YIPF4: variants seen among roughly 807,000 people sequenced by gnomAD.
The protein encoded by YIPF4 is protein YIPF4.
YIPF4 carries 18 observed loss-of-function variants against 29.4 expected under a neutral mutation model. The observed-to-expected ratio is 0.61, with a 90% CI of 0.42 to 0.91. YIPF4 has a LOEUF of 0.91. YIPF4 is among the 40% of genes least tolerant of loss of function. The pLI is 0.00. For synonymous variants in YIPF4, 115 were observed against 104.7 expected, an observed-to-expected ratio of 1.10 and a Z score of -0.60; for missense variants, 279 against 282.7, an observed-to-expected ratio of 0.99 and a Z score of 0.09.
In YIPF4 at chr2:32,312,411, C is replaced by G. The variant is rs1004243466; in HGVS notation, c.*6785C>G. The G allele has an allele frequency of 7.4e-6, 1 of 134,658 alleles. No homozygotes were observed. The highest frequency in any genetic ancestry group is 2.2e-4 in the East Asian group (1 of 4,460). 8.3% of individuals were successfully genotyped at this position (134,658 alleles called of 1,614,324 possible). A position where few individuals can be genotyped will look rare whatever the true frequency, so the allele number is the denominator to read the frequency against. On this transcript the variant is annotated 3_prime_UTR_variant, in exon 6 of 6. Coordinates refer to ENST00000238831, the MANE Select transcript of YIPF4 (RefSeq NM_032312.4). Reference sequence around the variant, plus strand: ...GCTGAGGCAGGAGAATGGCGTGTACCCGGGAGGCGGAGGTTGCAGTGAGCC... The same window carrying G: ...GCTGAGGCAGGAGAATGGCGTGTACGCGGGAGGCGGAGGTTGCAGTGAGCC...
intron 1 of YIPF4, among the ~76,000 whole-genome samples, chr2:32,282,075 GAA>G (rs1232467542): frequency 1.3e-5 from 2 of 151,188 alleles, no homozygotes; most frequent in Non-Finnish European, 3.0e-5. Context: ...AAAAAAAAAG[GAA>G]AAAAAGAAAC....
chr2:32,283,153 A>G (rs993782181), intron 1 of YIPF4, among the ~76,000 whole-genome samples: 1 of 151,506 alleles, frequency 6.6e-6, no homozygotes, highest in Admixed American at 6.6e-5. Flanking sequence ...TATCTGGCAG[A>G]GTTAAGTGTT....
intron 1 of YIPF4, among the ~76,000 whole-genome samples, chr2:32,278,698 A>G (rs115589511): frequency 1.2e-3 from 190 of 152,154 alleles, no homozygotes; most frequent in African/African-American, 4.5e-3. Flanking sequence ...TGCAAATACA[A>G]ACTAAATGGT....
At chr2:32,304,782 A>G (rs2031520757) in intron 5 of YIPF4, among the ~76,000 whole-genome samples, 1 of 152,214 alleles carries the variant, frequency 6.6e-6, no homozygotes, top group African/African-American at 2.4e-5. Context: ...ATTTTATGCT[A>G]TAAAATGTGT....
chr2:32,294,935 C>T lies in YIPF4; in HGVS notation c.405+2587C>T, dbSNP rs139421630. Among the ~76,000 whole-genome samples, 1,254 of 152,190 alleles carry T rather than the reference C, an allele frequency of 8.2e-3. 6 individuals carry two copies. The highest frequency in any genetic ancestry group is 0.031 in the Middle Eastern group (9 of 294). ...TACAAAAACCAGTCAGGCGTGGCGG[C>T]GTGCGCCTGCAATGGCAGGCACTCG... is the stretch of plus-strand genomic sequence containing the variant. On this transcript the variant is annotated intron_variant, in intron 3 of 5. Coordinates refer to ENST00000238831, the MANE Select transcript of YIPF4 (RefSeq NM_032312.4).
intron 1 of YIPF4, among the ~76,000 whole-genome samples, chr2:32,289,438 G>A (rs2030820472): frequency 6.6e-6 from 1 of 152,134 alleles, no homozygotes; most frequent in Admixed American, 6.6e-5. Flanking sequence ...GCTAACTTTG[G>A]TATTGGTTGG....
At chr2:32,291,849 A>G (rs2030931985) in intron 2 of YIPF4, among the ~76,000 whole-genome samples, 1 of 152,232 alleles carries the variant, frequency 6.6e-6, no homozygotes, top group Non-Finnish European at 1.5e-5. Flanking sequence ...AAAAGTCACA[A>G]GCAGAAAATT....
intron 4 of YIPF4, 145 bp from the exon 5 acceptor site, chr2:32,301,237 T>C: frequency 3.5e-6 from 2 of 570,260 alleles, no homozygotes; most frequent in East Asian, 5.9e-5. Context: ...ATATGATATT[T>C]TGAAATAATG....
Position 32,292,728 on chromosome 2 carries a change from G to A in YIPF4, c.405+380G>A, listed in dbSNP as rs1191349545. ...ACTACAAAAAAAGTATCTGGGTGTG[G>A]TGGTGCACGCCTGTAATCCCAGCTA... On this transcript the variant is annotated intron_variant, in intron 3 of 5. Coordinates refer to ENST00000238831, the MANE Select transcript of YIPF4 (RefSeq NM_032312.4). Among the ~76,000 whole-genome samples the A allele has an allele frequency of 2.0e-5, 3 of 152,016 alleles. No individual in the cohort carries two copies. In the South Asian group the frequency reaches 6.2e-4, roughly 31 times the overall value.
Position 32,312,487 on chromosome 2 carries a change from C to CAAAAAAAAAAAAAAAAAAAAAAAAAAAAA in YIPF4, c.*6865_*6893dup, listed in dbSNP as rs35334643. 1 of 37,376 alleles carries CAAAAAAAAAAAAAAAAAAAAAAAAAAAAA rather than the reference C, an allele frequency of 2.7e-5. No homozygotes were observed. Among genetic ancestry groups the CAAAAAAAAAAAAAAAAAAAAAAAAAAAAA allele is most frequent in the African/African-American group, 1.3e-4 (1 of 7,618 alleles). 2.3% of individuals were successfully genotyped at this position (37,376 alleles called of 1,614,324 possible). A position where few individuals can be genotyped will look rare whatever the true frequency, so the allele number is the denominator to read the frequency against. On this transcript the variant is annotated 3_prime_UTR_variant, in exon 6 of 6. Transcript: ENST00000238831. ...TGGGCGACAGAGCGAGAATCCGTCT[C>CAAAAAAAAAAAAAAAAAAAAAAAAAAAAA]AAAAAAAAAAAAAAAAAAAAAAAAA...
At chr2:32,301,644 T>C in intron 5 of YIPF4, 149 bp downstream of exon 5, 1 of 536,876 alleles carries the variant, frequency 1.9e-6, no homozygotes, top group Non-Finnish European at 3.2e-6. Flanking sequence ...TTTTGCCAGT[T>C]ATATTTCTTT....
At chr2:32,295,514 C>T (rs982526244) in intron 3 of YIPF4, among the ~76,000 whole-genome samples, 54 of 152,178 alleles carry the variant, frequency 3.5e-4, no homozygotes, top group African/African-American at 1.2e-3. Flanking sequence ...CCAGAGGCTG[C>T]CAGCATTCCT....
intron 5 of YIPF4, among the ~76,000 whole-genome samples, chr2:32,302,888 T>C (rs973232779): frequency 3.3e-5 from 5 of 152,164 alleles, no homozygotes; most frequent in African/African-American, 4.8e-5. Context: ...ACGCTGATAC[T>C]GATAATAAGC....
At position 32,312,818 on chromosome 2, in the gene YIPF4, C is replaced by T. The variant is rs901973330; in HGVS notation, c.*7192C>T. 4 of 152,086 alleles carry T rather than the reference C, an allele frequency of 2.6e-5. No homozygotes were observed. The East Asian group carries it at 7.8e-4, about 30-fold the overall frequency. 9.4% of individuals were successfully genotyped at this position (152,086 alleles called of 1,614,324 possible). A position where few individuals can be genotyped will look rare whatever the true frequency, so the allele number is the denominator to read the frequency against. ...CCATCCTGGCTAACACGGTGAAACC[C>T]CGTCTCTACTAAAAATACAAAATTT... On this transcript the variant is annotated 3_prime_UTR_variant, in exon 6 of 6. Coordinates refer to ENST00000238831, the MANE Select transcript of YIPF4 (RefSeq NM_032312.4).
rs1360593389 is a variant in YIPF4 at position 32,292,257 on chromosome 2, A to C, written c.314A>C (p.Asn105Thr). 1.9e-6 allele frequency: 3 copies of C among 1,605,732 alleles called. No homozygotes were observed. In the Admixed American group the frequency reaches 5.1e-5, roughly 27 times the overall value. The stretch of plus-strand genomic sequence containing the variant: ...ATGCCAATGCCATCACTTGGTTTTA[A>C]TAGACAAGTGGTGAGAGACAATCCT... ...VLMPMPSLGF[N>T]RQVVRDNPDF... Residue 105 changes from asparagine to threonine, a missense_variant, in exon 3 of 6, where the codon AAT becomes ACT. By Grantham distance (65) the Asn-to-Thr change is moderately conservative. Transcript: ENST00000238831.
rs1291937548 is a variant in YIPF4, at chr2:32,305,793, G to A, written c.*167G>A. ...ACAATTTTTTTTTGTATTTAATTAA[G>A]CAATTGCAGTTATCTGGGATTTTTG... On this transcript the variant is annotated 3_prime_UTR_variant, in exon 6 of 6. Transcript: ENST00000238831. 1 of 1,233,896 alleles carries A rather than the reference G, an allele frequency of 8.1e-7. No homozygotes were observed. The highest frequency in any genetic ancestry group is 1.0e-6 in the Non-Finnish European group (1 of 989,218). 76.4% of individuals were successfully genotyped at this position (1,233,896 alleles called of 1,614,324 possible). A position where few individuals can be genotyped will look rare whatever the true frequency, so the allele number is the denominator to read the frequency against.
rs1455356595 is a variant in YIPF4 at position 32,313,576 on chromosome 2, A to G, written c.*7950A>G. 1 of 152,044 alleles carries G rather than the reference A, an allele frequency of 6.6e-6. No individual in the cohort carries two copies. Among genetic ancestry groups the G allele is most frequent in the Non-Finnish European group, 1.5e-5 (1 of 68,054 alleles). The allele number at this position is 152,044 out of a possible 1,614,324, so 9.4% of individuals were successfully genotyped here. On this transcript the variant is annotated 3_prime_UTR_variant, in exon 6 of 6. Transcript: ENST00000238831. ...AAAGACGGTTTCTCCATGTAGGCCA[A>G]GCGGGTCTTGAACTCCCAACCTCCG...
At chr2:32,283,397 A>G (rs1379136385) in intron 1 of YIPF4, among the ~76,000 whole-genome samples, 1 of 152,030 alleles carries the variant, frequency 6.6e-6, no homozygotes, top group African/African-American at 2.4e-5. Flanking sequence ...ATTCTGTCCA[A>G]ATCCCTCATT....
chr2:32,281,796 G>A (rs1029057200), intron 1 of YIPF4, among the ~76,000 whole-genome samples: 2 of 151,202 alleles, frequency 1.3e-5, no homozygotes, highest in African/African-American at 4.9e-5. Flanking sequence ...CTAGGAGGCT[G>A]AGGCAGGAGA....
Sources: gnomAD v4.1 joint callset for allele counts (sites outside exome capture counted in the v4.1 genomes callset) on GRCh38, gnomAD v4.1.1 for gene constraint, MANE v1.5 for transcripts, NCBI Gene and HGNC (gene_info 2026-07-23, HGNC 2026-07-21) for gene names.